Variants in FRMD3 observed in about 807,000 individuals in gnomAD.
The protein encoded by FRMD3 is FERM domain containing 3, also known as FERM domain-containing protein 3.
Under a neutral mutation model 70.2 loss-of-function variants are expected in FRMD3, and 33 were observed. That is an observed-to-expected ratio of 0.47 (90% confidence interval 0.36 to 0.63). FRMD3 has a LOEUF of 0.63. Among genes scored for constraint, FRMD3 ranks in the 20% least tolerant of loss-of-function variants. The pLI, the probability that FRMD3 is intolerant of heterozygous loss-of-function variation, is 0.00. For synonymous variants in FRMD3, 279 were observed against 255.9 expected, an observed-to-expected ratio of 1.09 and a Z score of -0.86; for missense variants, 632 against 711.4, an observed-to-expected ratio of 0.89 and a Z score of 1.27.
In FRMD3 at chr9:83,479,755, G is replaced by GGGA. The variant is rs1564097026; in HGVS notation, c.147+58329_147+58330insTCC. 9.8e-5 allele frequency among the ~76,000 whole-genome samples: 6 copies of GGGA among 61,462 alleles called. 1 individual carries two copies. The highest frequency in any genetic ancestry group is 1.7e-4 in the African/African-American group (2 of 11,976). The allele number at this position is 61,462 out of a possible 152,430, so 40.3% of individuals were successfully genotyped here. On this transcript the variant is annotated intron_variant, in intron 1 of 13. Transcript: ENST00000304195. Reference sequence around the variant, plus strand: ...GGAAAGAAAGAAAAAGAAAAGAGAAGAAGAAGGGAGGGAGGGAGGGAGGGA... The same window carrying GGGA: ...GGAAAGAAAGAAAAAGAAAAGAGAAGGGAAAGAAGGGAGGGAGGGAGGGAGGGA...
Position 83,246,705 on chromosome 9 carries a change from AT to A in FRMD3, c.*1212del. The A allele has an allele frequency of 1.0e-6, 1 of 984,992 alleles. No individual in the cohort carries two copies. The highest frequency in any genetic ancestry group is 1.7e-5 in the African/African-American group (1 of 57,246). 61.0% of individuals were successfully genotyped at this position (984,992 alleles called of 1,614,324 possible). ...CACACGCACACTCACATACAAACAC[AT>A]TTTTGAAGTTTCTTCTACAGAATCA... On this transcript the variant is annotated 3_prime_UTR_variant, in exon 14 of 14. Coordinates refer to ENST00000304195, the MANE Select transcript of FRMD3 (RefSeq NM_174938.6).
intron 1 of FRMD3, among the ~76,000 whole-genome samples, chr9:83,506,141 C>T (rs899804786): frequency 3.9e-5 from 6 of 152,128 alleles, no homozygotes; most frequent in African/African-American, 1.4e-4. Flanking sequence ...AGTTATTTTT[C>T]AAAAATTCCC....
the FRMD3 span, among the ~76,000 whole-genome samples, chr9:83,583,287 C>T: frequency 6.6e-6 from 1 of 152,148 alleles, no homozygotes; most frequent in Non-Finnish European, 1.5e-5. Flanking sequence ...AAGAACATCT[C>T]GCTACTCACA....
intron 1 of FRMD3, among the ~76,000 whole-genome samples, chr9:83,464,907 C>A (rs1336706732): frequency 6.9e-6 from 1 of 145,744 alleles, no homozygotes; most frequent in African/African-American, 2.4e-5. Context: ...GTAATCCCAG[C>A]GACTCGGGAG....
chr9:83,320,747 G>A (rs958469307), intron 6 of FRMD3, among the ~76,000 whole-genome samples: 2 of 152,076 alleles, frequency 1.3e-5, no homozygotes, highest in African/African-American at 4.8e-5. Context: ...AGGAAGATTG[G>A]TATTAGTTCT....
intron 1 of FRMD3, among the ~76,000 whole-genome samples, chr9:83,394,085 A>T (rs980267771): frequency 2.6e-5 from 4 of 151,438 alleles, no homozygotes; most frequent in Non-Finnish European, 5.9e-5. Flanking sequence ...TCTGTTTGGG[A>T]TTTCTTTAGT....
At chr9:83,532,489 A>T (rs1183584042) in intron 1 of FRMD3, among the ~76,000 whole-genome samples, 3 of 152,226 alleles carry the variant, frequency 2.0e-5, no homozygotes, top group Non-Finnish European at 4.4e-5. Context: ...TGCCTAAAAA[A>T]AGCCAGGGCT....
chr9:83,459,632 A>T (rs1180574138), intron 1 of FRMD3, among the ~76,000 whole-genome samples: 2 of 152,198 alleles, frequency 1.3e-5, no homozygotes, highest in African/African-American at 4.8e-5. Flanking sequence ...ACTGATGGCA[A>T]ACGCTGCCCT....
At chr9:83,349,334 A>T (rs1350994686) in intron 4 of FRMD3, among the ~76,000 whole-genome samples, 1 of 152,122 alleles carries the variant, frequency 6.6e-6, no homozygotes, top group African/African-American at 2.4e-5. Context: ...TGAGATCCAA[A>T]AGATAGACTA....
chr9:83,249,693 A>C (rs996395760), intron 13 of FRMD3, among the ~76,000 whole-genome samples: 1 of 152,224 alleles, frequency 6.6e-6, no homozygotes, highest in African/African-American at 2.4e-5. Flanking sequence ...AAGCACATGA[A>C]AGTATGCTGA....
intron 2 of FRMD3, among the ~76,000 whole-genome samples, chr9:83,378,699 A>G (rs1471724067): frequency 1.7e-5 from 2 of 114,942 alleles, no homozygotes; most frequent in East Asian, 4.1e-4. Flanking sequence ...TATATTATAT[A>G]TAATATGTAT....
chr9:83,355,316 T>A (rs965923711), intron 3 of FRMD3, among the ~76,000 whole-genome samples: 1 of 152,206 alleles, frequency 6.6e-6, no homozygotes, highest in African/African-American at 2.4e-5. Context: ...ACCCACAGCC[T>A]GTATTGGAGC....
At chr9:83,485,086 T>G (rs1034510327) in intron 1 of FRMD3, among the ~76,000 whole-genome samples, 1 of 152,204 alleles carries the variant, frequency 6.6e-6, no homozygotes. Flanking sequence ...CACTAATAAA[T>G]TCTCTTAGAG....
chr9:83,312,684 G>A (rs961153319), intron 7 of FRMD3, among the ~76,000 whole-genome samples: 2 of 152,142 alleles, frequency 1.3e-5, no homozygotes, highest in African/African-American at 4.8e-5. Flanking sequence ...AGTACCCCTG[G>A]CTCTCCGCCT....
intron 13 of FRMD3, among the ~76,000 whole-genome samples, chr9:83,251,144 G>C (rs1301741447): frequency 6.6e-6 from 1 of 152,198 alleles, no homozygotes; most frequent in Non-Finnish European, 1.5e-5. Flanking sequence ...CTGGGATGGA[G>C]CTTCCAGTGG....
At chr9:83,346,130 C>G (rs1242145866) in intron 4 of FRMD3, among the ~76,000 whole-genome samples, 1 of 151,890 alleles carries the variant, frequency 6.6e-6, no homozygotes, top group Non-Finnish European at 1.5e-5. Context: ...CTGGCTTGTG[C>G]CTGTAATCCT....
chr9:83,285,726 A>G (rs536013957), intron 13 of FRMD3, among the ~76,000 whole-genome samples: 2 of 152,314 alleles, frequency 1.3e-5, no homozygotes, highest in African/African-American at 4.8e-5. Context: ...TGCTATCTCC[A>G]CTATGGGGAA....
intron 1 of FRMD3, among the ~76,000 whole-genome samples, chr9:83,461,596 C>T (rs1827972385): frequency 6.7e-6 from 1 of 149,388 alleles, no homozygotes; most frequent in Admixed American, 6.7e-5. Flanking sequence ...TATGAAAAGG[C>T]CTTGTGGTAT....
At chr9:83,471,310 G>A (rs1015919473) in intron 1 of FRMD3, among the ~76,000 whole-genome samples, 4 of 152,294 alleles carry the variant, frequency 2.6e-5, no homozygotes, top group African/African-American at 7.2e-5. Flanking sequence ...GGTCTATCAG[G>A]GAGTCTAACA....
Sources: gnomAD v4.1 joint callset for allele counts (sites outside exome capture counted in the v4.1 genomes callset) on GRCh38, gnomAD v4.1.1 for gene constraint, MANE v1.5 for transcripts, NCBI Gene and HGNC (gene_info 2026-07-23, HGNC 2026-07-21) for gene names.